The following DIAPH2 variants were observed in gnomAD, a reference collection of about 807,000 sequenced individuals.
DIAPH2 encodes diaphanous related formin 2.
A neutral mutation model predicts 92.7 loss-of-function variants in DIAPH2; 35 were observed. That is an observed-to-expected ratio of 0.38 (90% confidence interval 0.29 to 0.50). DIAPH2 has a LOEUF of 0.50. DIAPH2 is among the 20% of genes least tolerant of loss of function. The pLI, the probability that DIAPH2 is intolerant of heterozygous loss-of-function variation, is 0.94. For missense variants in DIAPH2, 701 were observed against 819.5 expected (o/e 0.86, Z 1.77); for synonymous variants, 301 against 280.4 (o/e 1.07, Z -0.73).
intron 4 of DIAPH2, among the ~76,000 whole-genome samples, chrX:96,777,502 T>G: frequency 9.0e-6 from 1 of 111,241 alleles, no homozygotes; most frequent in Middle Eastern, 4.6e-3. Flanking sequence ...CTATTTTCAT[T>G]ATTTTGGGAT....
chrX:96,728,325 T>C (rs1203807576), intron 1 of DIAPH2, among the ~76,000 whole-genome samples: 1 of 110,045 alleles, frequency 9.1e-6, no homozygotes, highest in Non-Finnish European at 1.9e-5. Flanking sequence ...TTCTCCTGCC[T>C]CAGTCTCCCA....
At chrX:96,842,802 G>A (rs1238770217) in intron 4 of DIAPH2, among the ~76,000 whole-genome samples, 1 of 111,316 alleles carries the variant, frequency 9.0e-6, no homozygotes, top group Non-Finnish European at 1.9e-5. Context: ...ATACTTTAGT[G>A]GGGGTAGGAG....
chrX:97,429,560 A>G, intron 25 of DIAPH2, 90 bp from the exon 26 acceptor site: 2 of 1,098,847 alleles, frequency 1.8e-6, no homozygotes, highest in Non-Finnish European at 1.2e-6. Flanking sequence ...TAGGGGTATT[A>G]TGTAAATCTG....
At chrX:96,722,795 C>A (rs967902215) in intron 1 of DIAPH2, among the ~76,000 whole-genome samples, 1 of 111,270 alleles carries the variant, frequency 9.0e-6, no homozygotes, top group African/African-American at 3.3e-5. Context: ...ATAAAAAATT[C>A]CACTTTTGTG....
chrX:97,247,596 A>T (rs947824567), intron 22 of DIAPH2, 119 bp from the exon 23 acceptor site: 4 of 600,858 alleles, frequency 6.7e-6, no homozygotes, highest in Non-Finnish European at 1.0e-5. Flanking sequence ...ATGTGAGTTG[A>T]CTTCATGGAA....
At chrX:96,961,774 T>G (rs187566184) in intron 16 of DIAPH2, among the ~76,000 whole-genome samples, 40 of 110,829 alleles carry the variant, frequency 3.6e-4, no homozygotes, top group African/African-American at 1.3e-3. Context: ...ATTTTTTAAT[T>G]GACCCAGTGG....
At chrX:97,216,247 G>A (rs1160886040) in intron 22 of DIAPH2, among the ~76,000 whole-genome samples, 1 of 111,753 alleles carries the variant, frequency 8.9e-6, no homozygotes, top group Non-Finnish European at 1.9e-5. Flanking sequence ...TTATACAAAG[G>A]AGTGTCATAT....
intron 17 of DIAPH2, among the ~76,000 whole-genome samples, chrX:97,069,760 A>C (rs968883681): frequency 1.8e-5 from 2 of 112,141 alleles, no homozygotes; most frequent in African/African-American, 6.5e-5. Context: ...AAATCATGCA[A>C]TGTTGCCTAT....
chrX:97,237,824 A>G (rs1045759776), intron 22 of DIAPH2, among the ~76,000 whole-genome samples: 3 of 109,332 alleles, frequency 2.7e-5, no homozygotes, highest in Non-Finnish European at 5.7e-5. Context: ...CTCGTGATCC[A>G]CCCGCCTCGG....
intron 4 of DIAPH2, among the ~76,000 whole-genome samples, chrX:96,803,971 G>A (rs1234792323): frequency 9.0e-6 from 1 of 111,665 alleles, no homozygotes; most frequent in Admixed American, 9.5e-5. Flanking sequence ...CCCTGCAGGC[G>A]GAGGTTGCAG....
rs1157552270 is a variant in DIAPH2, at chrX:96,785,475, C to CTTTTTTTTTTT, written c.447+27229_447+27239dup. On this transcript the variant is annotated intron_variant, in intron 4 of 26. Coordinates refer to ENST00000324765, the MANE Select transcript of DIAPH2 (RefSeq NM_006729.5). ...AGAGACAAAAGGTGGCCAAACTTGCCTTTTTTTTTTTTTTTTTTTTTTGGA... is the reference window on the plus strand; with the variant it reads ...AGAGACAAAAGGTGGCCAAACTTGCCTTTTTTTTTTTTTTTTTTTTTTTTTTTTTTTTTGGA... 8.2e-4 allele frequency among the ~76,000 whole-genome samples: 47 copies of CTTTTTTTTTTT among 57,177 alleles called. 2 individuals carry two copies. The highest frequency in any genetic ancestry group is 7.2e-3 in the East Asian group (9 of 1,252). 49.7% of individuals were successfully genotyped at this position (57,177 alleles called of 115,157 possible). A position where few individuals can be genotyped will look rare whatever the true frequency, so the allele number is the denominator to read the frequency against.
At chrX:97,172,455 CA>C (rs1181134847) in intron 22 of DIAPH2, among the ~76,000 whole-genome samples, 1 of 111,759 alleles carries the variant, frequency 8.9e-6, no homozygotes, top group Non-Finnish European at 1.9e-5. Context: ...TTTAGATTTA[CA>C]AAAGGCCAGA....
chrX:97,555,224 C>T (rs2071249060), intron 26 of DIAPH2, among the ~76,000 whole-genome samples: 3 of 111,787 alleles, frequency 2.7e-5, no homozygotes, highest in Admixed American at 9.5e-5. Flanking sequence ...GACTTAAACC[C>T]ATCACTGGAA....
chrX:97,021,813 T>A (rs1042544200), intron 17 of DIAPH2, among the ~76,000 whole-genome samples: 1 of 111,631 alleles, frequency 9.0e-6, no homozygotes, highest in African/African-American at 3.3e-5. Context: ...TACACTATAG[T>A]TCCCATTCAG....
chrX:97,311,019 A>G (rs1693008312), intron 23 of DIAPH2, among the ~76,000 whole-genome samples: 1 of 111,723 alleles, frequency 9.0e-6, no homozygotes, highest in Non-Finnish European at 1.9e-5. Flanking sequence ...AAAAAATAAA[A>G]AAAAGAAAAA....
At chrX:96,771,750 C>G (rs1477367282) in intron 4 of DIAPH2, among the ~76,000 whole-genome samples, 1 of 111,189 alleles carries the variant, frequency 9.0e-6, no homozygotes, top group Non-Finnish European at 1.9e-5. Flanking sequence ...TAGAAGTTAC[C>G]TTAGGCTAGA....
chrX:97,268,619 G>C (rs941433091), intron 23 of DIAPH2, among the ~76,000 whole-genome samples: 1 of 112,023 alleles, frequency 8.9e-6, no homozygotes, highest in South Asian at 3.7e-4. Flanking sequence ...ATGTGACCTA[G>C]GGAAAGTCAT....
chrX:96,820,243 G>A (rs1216751783), intron 4 of DIAPH2, among the ~76,000 whole-genome samples: 1 of 112,396 alleles, frequency 8.9e-6, no homozygotes, highest in Non-Finnish European at 1.9e-5. Context: ...GCCGAGGCAG[G>A]CGGATCATTT....
intron 23 of DIAPH2, among the ~76,000 whole-genome samples, chrX:97,267,572 G>C (rs779163814): frequency 9.0e-6 from 1 of 111,252 alleles, no homozygotes; most frequent in Non-Finnish European, 1.9e-5. Flanking sequence ...CTAACAAGTA[G>C]GAAGTCCCAT....
Sources: allele counts gnomAD v4.1 joint callset (sites outside exome capture counted in the v4.1 genomes callset), GRCh38; gene constraint gnomAD v4.1.1; transcripts MANE v1.5; gene names NCBI Gene and HGNC (gene_info 2026-07-23, HGNC 2026-07-21).